SORCS1: variants seen among roughly 807,000 people sequenced by gnomAD.
The protein encoded by SORCS1 is VPS10 domain-containing receptor SorCS1.
SORCS1 carries 60 observed loss-of-function variants against 146.1 expected under a neutral mutation model. The ratio of observed to expected loss-of-function variants is 0.41; its 90% CI spans 0.33 to 0.51. The LOEUF (loss-of-function observed/expected upper bound fraction) is 0.51. Among genes scored for constraint, SORCS1 ranks in the 20% least tolerant of loss-of-function variants. The pLI, the probability that SORCS1 is intolerant of heterozygous loss-of-function variation, is 0.21. For synonymous variants in SORCS1, 637 were observed against 584.0 expected (o/e 1.09, Z -1.31); for missense variants, 1,352 against 1,487.6 (o/e 0.91, Z 1.50).
rs753507386 is a variant in SORCS1 at position 107,164,141 on chromosome 10, C to CG, written c.385dup (p.Arg129ProfsTer68). 1 of 1,613,230 alleles carries CG rather than the reference C, an allele frequency of 6.2e-7. No homozygotes were observed. Among genetic ancestry groups the CG allele is most frequent in the Admixed American group, 1.7e-5 (1 of 60,024 alleles). On this transcript the variant is annotated frameshift_variant, in exon 1 of 26. Transcript: ENST00000263054. LOFTEE classifies it high-confidence loss of function. This position sits in a 1 kb window ranked among gnomAD's most constrained non-coding sequence, Gnocchi z 6.8. ...CTGCCCTCCATCTCTTAGCACTCCC[C>CG]GGGGGCTCCGACTCGCGCCCTCTCC...
intron 3 of SORCS1, among the ~76,000 whole-genome samples, chr10:106,779,136 G>A (rs750498820): frequency 6.6e-6 from 1 of 152,050 alleles, no homozygotes; most frequent in South Asian, 2.1e-4. Context: ...GTTGAAAATA[G>A]GCAGACCAAA....
chr10:107,057,461 C>T (rs967807543), intron 1 of SORCS1, among the ~76,000 whole-genome samples: 12 of 152,144 alleles, frequency 7.9e-5, no homozygotes, highest in East Asian at 1.9e-4. Flanking sequence ...ACCTGGGGCT[C>T]GCTTTTCCCA....
intron 1 of SORCS1, among the ~76,000 whole-genome samples, chr10:106,996,619 C>T (rs112243537): frequency 6.6e-6 from 1 of 152,098 alleles, no homozygotes; most frequent in Non-Finnish European, 1.5e-5. Flanking sequence ...TTTCGTCGTA[C>T]CAAAAAAATC....
At chr10:106,890,508 C>G (rs1230821336) in intron 2 of SORCS1, among the ~76,000 whole-genome samples, 2 of 152,028 alleles carry the variant, frequency 1.3e-5, no homozygotes, top group South Asian at 4.1e-4. Flanking sequence ...TGATCGCTAG[C>G]GATGAGTATG....
At chr10:107,123,372 A>G (rs1966514904) in intron 1 of SORCS1, among the ~76,000 whole-genome samples, 1 of 152,214 alleles carries the variant, frequency 6.6e-6, no homozygotes, top group Non-Finnish European at 1.5e-5. Flanking sequence ...AATGGACTGG[A>G]ATTATTTGAA....
intron 1 of SORCS1, among the ~76,000 whole-genome samples, chr10:107,140,008 C>G (rs1038466612): frequency 3.3e-5 from 5 of 152,142 alleles, no homozygotes; most frequent in Non-Finnish European, 7.3e-5. Flanking sequence ...TCATGGGCCT[C>G]CAGTGATTAT....
intron 20 of SORCS1, among the ~76,000 whole-genome samples, chr10:106,619,522 T>C (rs1163601742): frequency 1.3e-5 from 2 of 152,234 alleles, no homozygotes; most frequent in African/African-American, 4.8e-5. Flanking sequence ...AGTGTTTCAG[T>C]CCAGAGCAGT....
At chr10:107,056,136 A>G (rs1960609839) in intron 1 of SORCS1, among the ~76,000 whole-genome samples, 1 of 152,216 alleles carries the variant, frequency 6.6e-6, no homozygotes, top group South Asian at 2.1e-4. Context: ...GGGGGCTTCA[A>G]TCACAATAAA....
rs190998073 is a variant in SORCS1 at position 106,862,153 on chromosome 10, G to A, written c.627-32480C>T. On this transcript the variant is annotated intron_variant, in intron 2 of 25. Coordinates refer to ENST00000263054, the MANE Select transcript of SORCS1 (RefSeq NM_052918.5). Reference sequence around the variant, plus strand: ...GAATTCCAGTATCAGGGAGTTTTAGGGAACTGAACATCTATAGTGAAACCT... The same window carrying A: ...GAATTCCAGTATCAGGGAGTTTTAGAGAACTGAACATCTATAGTGAAACCT... Among the ~76,000 whole-genome samples the A allele has an allele frequency of 2.0e-5, 3 of 152,238 alleles. No individual in the cohort carries two copies. The East Asian group carries it at 5.8e-4, about 29-fold the overall frequency.
chr10:106,656,500 G>A (rs1476476395), intron 17 of SORCS1, among the ~76,000 whole-genome samples: 1 of 152,034 alleles, frequency 6.6e-6, no homozygotes, highest in Non-Finnish European at 1.5e-5. Context: ...AGCTTGCAGT[G>A]AGCTGAGATT....
intron 2 of SORCS1, among the ~76,000 whole-genome samples, chr10:106,893,019 C>G (rs568088129): frequency 1.6e-4 from 25 of 151,706 alleles, no homozygotes; most frequent in African/African-American, 5.8e-4. Flanking sequence ...CTCAGCCTCC[C>G]GAGTAGCTGG....
intron 2 of SORCS1, among the ~76,000 whole-genome samples, chr10:106,944,940 C>A (rs796257413): frequency 2.4e-5 from 3 of 124,058 alleles, no homozygotes; most frequent in African/African-American, 9.3e-5. Context: ...GGCTGACATG[C>A]AGTGATGTGA....
In SORCS1 at chr10:106,629,321, A is replaced by C; in HGVS notation, c.2543T>G (p.Leu848Arg). Residue 848 changes from leucine (L) to arginine (R), a missense_variant, in exon 19 of 26, where the codon CTC becomes CGC. Physicochemically the swap from Leu to Arg is moderately radical, Grantham distance 102. This residue lies in a region of SORCS1 where 648 missense variants were observed against 793.8 expected (regional missense o/e 0.82). Coordinates refer to ENST00000263054, the MANE Select transcript of SORCS1 (RefSeq NM_052918.5). The stretch of plus-strand genomic sequence containing the variant: ...TTTGATCCCATCTTCCATGGAGCTG[A>C]GATTGACGTAAGACACCGCGATACC... ...GDGIAVSYVN[L>R]SSMEDGIKHV... The C allele has an allele frequency of 6.2e-7, 1 of 1,614,194 alleles. No individual in the cohort carries two copies. Among genetic ancestry groups the C allele is most frequent in the Non-Finnish European group, 8.5e-7 (1 of 1,180,012 alleles).
Position 106,576,960 on chromosome 10 carries a change from C to G in SORCS1, c.*460G>C, listed in dbSNP as rs1366920342. On this transcript the variant is annotated 3_prime_UTR_variant, in exon 26 of 26. Coordinates refer to ENST00000263054, the MANE Select transcript of SORCS1 (RefSeq NM_052918.5). ...TGAATTTTCTACAAACACGACCGATCAGAAAAAAGAGAGAGAAGAAGAAAG... is the reference window on the plus strand; with the variant it reads ...TGAATTTTCTACAAACACGACCGATGAGAAAAAAGAGAGAGAAGAAGAAAG... 6 of 249,052 alleles carry G rather than the reference C, an allele frequency of 2.4e-5. No individual in the cohort carries two copies. Among genetic ancestry groups the G allele is most frequent in the Non-Finnish European group, 4.7e-5 (6 of 126,672 alleles). The allele number at this position is 249,052 out of a possible 1,614,324, so 15.4% of individuals were successfully genotyped here. A position where few individuals can be genotyped will look rare whatever the true frequency, so the allele number is the denominator to read the frequency against.
intron 18 of SORCS1, among the ~76,000 whole-genome samples, chr10:106,630,459 AAC>A (rs1401262644): frequency 6.6e-5 from 10 of 152,148 alleles, no homozygotes; most frequent in Non-Finnish European, 1.5e-4. Context: ...CTGGTATTCT[AAC>A]TCACCTTTCT....
At chr10:106,755,015 G>A (rs112193949) in intron 5 of SORCS1, among the ~76,000 whole-genome samples, 71 of 152,332 alleles carry the variant, frequency 4.7e-4, no homozygotes, top group African/African-American at 1.7e-3. Flanking sequence ...TTGCTGAAGA[G>A]TTTCTAATGA....
chr10:106,897,202 G>A (rs1312546009), intron 2 of SORCS1, among the ~76,000 whole-genome samples: 2 of 145,564 alleles, frequency 1.4e-5, no homozygotes, highest in Non-Finnish European at 3.0e-5. Flanking sequence ...TTTTTTAAAG[G>A]CAGGGTCTTG....
At chr10:106,659,725 C>T (rs1242490239) in intron 17 of SORCS1, among the ~76,000 whole-genome samples, 1 of 152,100 alleles carries the variant, frequency 6.6e-6, no homozygotes, top group Non-Finnish European at 1.5e-5. Context: ...ACCATAGCAC[C>T]AGGATAAGAA....
chr10:106,764,846 A>T (rs1461258396), intron 4 of SORCS1, among the ~76,000 whole-genome samples: 1 of 151,694 alleles, frequency 6.6e-6, no homozygotes, highest in East Asian at 1.9e-4. Flanking sequence ...ACACGGTGAA[A>T]CTCCGTCTCT....
Sources: gnomAD v4.1 joint callset for allele counts (sites outside exome capture counted in the v4.1 genomes callset) on GRCh38, gnomAD v4.1.1 for gene constraint, gnomAD v4.1.1 regional missense constraint, Gnocchi (gnomAD v3.1) non-coding constraint, MANE v1.5 for transcripts, NCBI Gene and HGNC (gene_info 2026-07-23, HGNC 2026-07-21) for gene names.